The following ADGRL3 variants were observed in gnomAD, a reference collection of about 807,000 sequenced individuals.
ADGRL3 encodes adhesion G protein-coupled receptor L3, also known as calcium-independent alpha-latrotoxin receptor 3.
Under a neutral mutation model 153.5 loss-of-function variants are expected in ADGRL3, and 62 were observed. The observed-to-expected ratio is 0.40, with a 90% CI of 0.33 to 0.50. The LOEUF (loss-of-function observed/expected upper bound fraction) is 0.50, where lower values mean the gene tolerates loss of function less well. ADGRL3 is among the 20% of genes least tolerant of loss of function. The probability of loss-of-function intolerance (pLI) is 0.47; values close to 1 mark genes in which losing one functional copy is unlikely to be tolerated. For missense variants in ADGRL3, 1,641 were observed against 1,859.4 expected (o/e 0.88, Z 2.16); for synonymous variants, 710 against 672.5 (o/e 1.06, Z -0.86).
Position 61,539,222 on chromosome 4 carries a change from G to T in ADGRL3, c.259+21704G>T, listed in dbSNP as rs574361993. On this transcript the variant is annotated intron_variant, in intron 4 of 26. Coordinates refer to ENST00000683033, the MANE Select transcript of ADGRL3 (RefSeq NM_001387552.1). ...CAGTGCTAGCTTACTTTCAATAGGG[G>T]TGCAGCTGCCGCAAAATGCACAGAG... is the stretch of plus-strand genomic sequence containing the variant. Among the ~76,000 whole-genome samples the T allele has an allele frequency of 8.5e-5, 13 of 152,306 alleles. No individual in the cohort carries two copies. The East Asian group carries it at 2.5e-3, about 29-fold the overall frequency.
Position 61,647,268 on chromosome 4 carries a change from A to G in ADGRL3, c.474-29558A>G, listed in dbSNP as rs568027149. On this transcript the variant is annotated intron_variant, in intron 5 of 26. Coordinates refer to ENST00000683033, the MANE Select transcript of ADGRL3 (RefSeq NM_001387552.1). ...TGGCTCACGCTGGGAGCTGTAGACC[A>G]GAGCTTTTCCTATTCGGCCATCTTG... is the stretch of plus-strand genomic sequence containing the variant. Among the ~76,000 whole-genome samples, 13 of 152,250 alleles carry G rather than the reference A, an allele frequency of 8.5e-5. No individual in the cohort carries two copies. The South Asian group carries it at 1.4e-3, about 17-fold the overall frequency.
At chr4:61,909,799 GTGTCTT>G in intron 12 of ADGRL3, 54 bp downstream of exon 12, 3 of 1,260,390 alleles carry the variant, frequency 2.4e-6, no homozygotes, top group Non-Finnish European at 2.1e-6. Flanking sequence ...GTGTGTGTGT[GTGTCTT>G]TAAAGTTGTA....
At chr4:61,469,565 C>A (rs1252346418) in intron 2 of ADGRL3, among the ~76,000 whole-genome samples, 1 of 151,942 alleles carries the variant, frequency 6.6e-6, no homozygotes, top group African/African-American at 2.4e-5. Context: ...CTCTCTTAGG[C>A]ATTTCAAGTC....
At chr4:61,820,428 C>T (rs1230617579) in intron 9 of ADGRL3, among the ~76,000 whole-genome samples, 1 of 151,724 alleles carries the variant, frequency 6.6e-6, no homozygotes, top group East Asian at 1.9e-4. Flanking sequence ...TTAACTAGAG[C>T]TGCCACTATA....
At chr4:61,624,661 T>A (rs1579928578) in intron 5 of ADGRL3, among the ~76,000 whole-genome samples, 1 of 151,980 alleles carries the variant, frequency 6.6e-6, no homozygotes, top group East Asian at 1.9e-4. Flanking sequence ...GTCCATAAAG[T>A]CATTTTATAT....
intron 2 of ADGRL3, among the ~76,000 whole-genome samples, chr4:61,405,243 T>G (rs976058428): frequency 8.6e-5 from 13 of 151,958 alleles, no homozygotes; most frequent in Admixed American, 2.6e-4. Flanking sequence ...GCGATTCCAG[T>G]AGGAAAGGAA....
At position 61,583,746 on chromosome 4, in the gene ADGRL3, T is replaced by C. The variant is rs967686710; in HGVS notation, c.260-3481T>C. 2.3e-5 allele frequency: 12 copies of C among 518,170 alleles called. No individual in the cohort carries two copies. The East Asian group carries it at 6.5e-4, about 28-fold the overall frequency. The allele number at this position is 518,170 out of a possible 1,614,324, so 32.1% of individuals were successfully genotyped here. ...TAGCAGAAGGTTTCCAGATTTCACA[T>C]CTAAAACTTTTCCAATTTATTCAGC... On this transcript the variant is annotated intron_variant, in intron 4 of 26. Coordinates refer to ENST00000683033, the MANE Select transcript of ADGRL3 (RefSeq NM_001387552.1).
chr4:61,762,182 G>A (rs1261953318), intron 8 of ADGRL3, among the ~76,000 whole-genome samples: 1 of 152,044 alleles, frequency 6.6e-6, no homozygotes, highest in African/African-American at 2.4e-5. Context: ...AATGTTCTAA[G>A]ATAACTGATT....
At chr4:61,232,225 G>A (rs775708241) in intron 1 of ADGRL3, among the ~76,000 whole-genome samples, 1 of 151,990 alleles carries the variant, frequency 6.6e-6, no homozygotes, top group Non-Finnish European at 1.5e-5. Flanking sequence ...AACTATCCAA[G>A]TGCTCTGAAG....
In ADGRL3 at chr4:61,747,049, A is replaced by G. The variant is rs539044295; in HGVS notation, c.1399+13495A>G. On this transcript the variant is annotated intron_variant, in intron 8 of 26. Coordinates refer to ENST00000683033, the MANE Select transcript of ADGRL3 (RefSeq NM_001387552.1). ...ATATCACTGCCGATCTCACAGAAAT[A>G]CAAACTACCATCAGAGAATACTGCA... Among the ~76,000 whole-genome samples the G allele has an allele frequency of 1.2e-4, 19 of 152,376 alleles. No individual in the cohort carries two copies. In the East Asian group the frequency reaches 2.7e-3, roughly 22 times the overall value.
At chr4:61,694,179 ATTTTTTTT>A (rs554084495) in intron 6 of ADGRL3, among the ~76,000 whole-genome samples, 469 of 26,450 alleles carry the variant, frequency 0.018, 5 homozygotes, top group African/African-American at 0.067. Flanking sequence ...TTTTGTCATT[ATTTTTTTT>A]TTTTTTTTTT....
intron 1 of ADGRL3, among the ~76,000 whole-genome samples, chr4:61,270,393 T>G (rs2093098697): frequency 1.3e-5 from 2 of 151,812 alleles, no homozygotes; most frequent in South Asian, 4.1e-4. Context: ...GAATTTTACT[T>G]GTTACTAACA....
chr4:61,322,228 C>T (rs1003180473), intron 1 of ADGRL3, among the ~76,000 whole-genome samples: 1 of 152,184 alleles, frequency 6.6e-6, no homozygotes, highest in Non-Finnish European at 1.5e-5. Context: ...AAAGACCCAC[C>T]TCCATGATTC....
chr4:61,500,029 CAGAGAGAGAGAGAG>C (rs10673228), intron 3 of ADGRL3, among the ~76,000 whole-genome samples: 6 of 140,460 alleles, frequency 4.3e-5, no homozygotes, highest in Non-Finnish European at 6.1e-5. Context: ...CACACAGAAA[CAGAGAGAGAGAGAG>C]AGAGAGAGAG....
Position 61,964,764 on chromosome 4 carries a change from T to A in ADGRL3, c.2806-14799T>A, listed in dbSNP as rs2098999972. 2.0e-5 allele frequency among the ~76,000 whole-genome samples: 3 copies of A among 152,104 alleles called. 1 individual carries two copies. Among genetic ancestry groups the A allele is most frequent in the Admixed American group, 1.3e-4 (2 of 15,272 alleles). ...TGAAGGAATTATTATTTTAAAAAAA[T>A]TTAAATATAATGGTTCTAATCATCC... On this transcript the variant is annotated intron_variant, in intron 17 of 26. Transcript: ENST00000683033.
intron 2 of ADGRL3, among the ~76,000 whole-genome samples, chr4:61,495,261 GC>G (rs754561647): frequency 6.6e-6 from 1 of 152,058 alleles, no homozygotes; most frequent in East Asian, 1.9e-4. Context: ...TGTAATTTTT[GC>G]CTTTTAGTAA....
chr4:61,689,539 A>T (rs1461695625), intron 6 of ADGRL3, among the ~76,000 whole-genome samples: 1 of 152,164 alleles, frequency 6.6e-6, no homozygotes, highest in East Asian at 1.9e-4. Context: ...TCTGTCCATC[A>T]TGCTACTTTG....
intron 18 of ADGRL3, among the ~76,000 whole-genome samples, chr4:61,980,669 G>A (rs190634308): frequency 6.6e-6 from 1 of 152,104 alleles, no homozygotes; most frequent in Admixed American, 6.6e-5. Context: ...TCAAAATCCT[G>A]GATTCAATCG....
intron 6 of ADGRL3, among the ~76,000 whole-genome samples, chr4:61,717,563 A>G (rs933499823): frequency 6.6e-6 from 1 of 152,212 alleles, no homozygotes; most frequent in African/African-American, 2.4e-5. Context: ...TATAGTTCCT[A>G]TCAAAAAGTC....
Sources: gnomAD v4.1 joint callset for allele counts (sites outside exome capture counted in the v4.1 genomes callset) on GRCh38, gnomAD v4.1.1 for gene constraint, MANE v1.5 for transcripts, NCBI Gene and HGNC (gene_info 2026-07-23, HGNC 2026-07-21) for gene names.